The following ANKRD28 variants were observed in gnomAD, a reference collection of about 807,000 sequenced individuals.
The protein encoded by ANKRD28 is ankyrin repeat domain 28.
A neutral mutation model predicts 126.5 loss-of-function variants in ANKRD28; 44 were observed. The observed-to-expected ratio is 0.35, with a 90% CI of 0.27 to 0.45. The LOEUF (loss-of-function observed/expected upper bound fraction) is 0.45, where lower values mean the gene tolerates loss of function less well. ANKRD28 is among the 20% of genes least tolerant of loss of function. ANKRD28 has a pLI of 1.00. For synonymous variants in ANKRD28, 442 were observed against 468.5 expected (o/e 0.94, Z 0.73); for missense variants, 1,110 against 1,316.6 (o/e 0.84, Z 2.43).
chr3:15,840,475 T>C (rs1319762337), intron 1 of ANKRD28, among the ~76,000 whole-genome samples: 3 of 152,080 alleles, frequency 2.0e-5, no homozygotes, highest in African/African-American at 7.2e-5. Context: ...CAGCAATCTA[T>C]AGATTTAATG....
At chr3:15,789,669 T>C (rs572956712) in intron 2 of ANKRD28, among the ~76,000 whole-genome samples, 7 of 152,178 alleles carry the variant, frequency 4.6e-5, no homozygotes, top group South Asian at 4.1e-4. Context: ...TTTATTCAGG[T>C]AGTCAATTAT....
intron 10 of ANKRD28, 24 bp downstream of exon 10, chr3:15,713,503 A>G: frequency 6.3e-7 from 1 of 1,585,320 alleles, no homozygotes; most frequent in Non-Finnish European, 8.6e-7. Flanking sequence ...TGTATCAGTT[A>G]TCAACACCTC....
intron 14 of ANKRD28, among the ~76,000 whole-genome samples, chr3:15,701,547 G>A (rs972796911): frequency 3.9e-5 from 6 of 152,054 alleles, no homozygotes; most frequent in African/African-American, 1.5e-4. Context: ...GGGAGGCTGA[G>A]GCAGGAGAAT....
chr3:15,745,509 C>G (rs2057416472), intron 4 of ANKRD28, among the ~76,000 whole-genome samples: 1 of 152,170 alleles, frequency 6.6e-6, no homozygotes, highest in African/African-American at 2.4e-5. Context: ...TGTCAAAGAT[C>G]AGTTGGCTGT....
chr3:15,713,820 A>C (rs1046643311), intron 9 of ANKRD28, among the ~76,000 whole-genome samples, 179 bp from the exon 10 acceptor site: 2 of 152,242 alleles, frequency 1.3e-5, no homozygotes, highest in Non-Finnish European at 2.9e-5. Context: ...TTTTATACTT[A>C]AAGCAATTGT....
intron 17 of ANKRD28, among the ~76,000 whole-genome samples, chr3:15,691,341 T>C (rs1484679502): frequency 6.6e-6 from 1 of 152,084 alleles, no homozygotes; most frequent in Non-Finnish European, 1.5e-5. Context: ...GCCAGGATGG[T>C]CTCGATCTCT....
At chr3:15,680,965 C>T (rs754702658) in intron 21 of ANKRD28, among the ~76,000 whole-genome samples, 2 of 152,176 alleles carry the variant, frequency 1.3e-5, no homozygotes, top group Non-Finnish European at 2.9e-5. Flanking sequence ...CCACGGCCAA[C>T]ATTTTGTTTT....
At position 15,796,621 on chromosome 3, in the gene ANKRD28, A is replaced by T; in HGVS notation, c.-100T>A. Reference sequence around the variant, plus strand: ...CCTCTTCTGTACAACACTTACAAACATTCTCTGAACAGCACAGCTGGGTTT... The same window carrying T: ...CCTCTTCTGTACAACACTTACAAACTTTCTCTGAACAGCACAGCTGGGTTT... On this transcript the variant is annotated 5_prime_UTR_variant, in exon 1 of 28. The change abolishes an upstream ATG in the 5' untranslated region. Coordinates refer to ENST00000683139, the MANE Select transcript of ANKRD28 (RefSeq NM_001349278.2). 2.0e-5 allele frequency: 22 copies of T among 1,092,280 alleles called. 1 individual carries two copies. The highest frequency in any genetic ancestry group is 2.5e-5 in the Non-Finnish European group (22 of 886,322). The allele number at this position is 1,092,280 out of a possible 1,614,324, so 67.7% of individuals were successfully genotyped here. A position where few individuals can be genotyped will look rare whatever the true frequency, so the allele number is the denominator to read the frequency against.
At chr3:15,698,408 A>T (rs977913391) in intron 14 of ANKRD28, among the ~76,000 whole-genome samples, 1 of 152,180 alleles carries the variant, frequency 6.6e-6, no homozygotes, top group East Asian at 1.9e-4. Context: ...GGCAAGAGAA[A>T]GAAATAAAGG....
intron 1 of ANKRD28, among the ~76,000 whole-genome samples, chr3:15,840,197 T>C (rs1164544531): frequency 6.6e-6 from 1 of 152,210 alleles, no homozygotes; most frequent in Non-Finnish European, 1.5e-5. Flanking sequence ...TTCAGTAAAG[T>C]TGCAAGATAC....
intron 7 of ANKRD28, 102 bp downstream of exon 7, chr3:15,724,280 A>G (rs2074000006): frequency 9.9e-7 from 1 of 1,011,536 alleles, no homozygotes; most frequent in South Asian, 2.0e-5. Flanking sequence ...ACATGAAAAC[A>G]TTGTATAAAA....
chr3:15,747,221 C>A (rs1000747159), intron 4 of ANKRD28, among the ~76,000 whole-genome samples: 2 of 138,456 alleles, frequency 1.4e-5, no homozygotes, highest in African/African-American at 5.4e-5. Flanking sequence ...TTCATTATTT[C>A]TTTTCTTCTG....
At chr3:15,828,810 A>G (rs2061126990) in intron 1 of ANKRD28, among the ~76,000 whole-genome samples, 1 of 152,192 alleles carries the variant, frequency 6.6e-6, no homozygotes, top group Admixed American at 6.5e-5. Context: ...GCACAAACCA[A>G]ACTTACCCTT....
At chr3:15,679,222 A>G (rs1575107364) in intron 23 of ANKRD28, 79 bp downstream of exon 23, 2 of 1,367,202 alleles carry the variant, frequency 1.5e-6, no homozygotes, top group East Asian at 4.6e-5. Context: ...CTCCCACTTC[A>G]GCCTCCCAGA....
intron 1 of ANKRD28, among the ~76,000 whole-genome samples, chr3:15,827,963 T>C (rs1156781639): frequency 6.6e-6 from 1 of 152,036 alleles, no homozygotes; most frequent in Non-Finnish European, 1.5e-5. Context: ...ATCAACAACA[T>C]GAAAAGATGT....
rs1005628785 is a variant in ANKRD28 at position 15,815,310 on chromosome 3, TTTTG to T, written c.28-20008_28-20005del. 6.6e-6 allele frequency among the ~76,000 whole-genome samples: 1 copy of T among 152,156 alleles called. No homozygotes were observed. The highest frequency in any genetic ancestry group is 2.4e-5 in the African/African-American group (1 of 41,444). ...AAAAGTGTGGGGCCAACCACATTTC[TTTTG>T]TTTTTCTTTTATGACAAAATTTTGC... On this transcript the variant is annotated intron_variant, in intron 1 of 27. Coordinates refer to the ANKRD28 transcript ENST00000399451. This position sits in a 1 kb window ranked among gnomAD's most constrained non-coding sequence, Gnocchi z 4.1.
At chr3:15,722,861 TACTCTAAA>T (rs1048547136) in intron 7 of ANKRD28, among the ~76,000 whole-genome samples, 2 of 152,028 alleles carry the variant, frequency 1.3e-5, no homozygotes, top group Non-Finnish European at 2.9e-5. Context: ...AGAACTTCCA[TACTCTAAA>T]ACTCTGGGAA....
chr3:15,690,778 G>C (rs556076817), intron 17 of ANKRD28, among the ~76,000 whole-genome samples: 1 of 151,954 alleles, frequency 6.6e-6, no homozygotes, highest in East Asian at 1.9e-4. Context: ...TATGCTATCC[G>C]GGCTGGTCTC....
chr3:15,766,266 T>C lies in ANKRD28; in HGVS notation c.248A>G (p.Asp83Gly), dbSNP rs1035573788. ...AATAAGAAGTTCAATGATTTCTGCA[T>C]CTCCAAGGTAAGCTGCGGCGTGCAA... ...TPLHAAAYLG[D>G]AEIIELLILS... The change falls in exon 3 of 28, where the codon GAT becomes GGT. Residue 83 changes from aspartate to glycine, a missense_variant. Asp to Gly is a moderately conservative substitution (Grantham distance 94, BLOSUM62 -1). Transcript: ENST00000683139. 14 of 1,611,484 alleles carry C rather than the reference T, an allele frequency of 8.7e-6. No homozygotes were observed. The Middle Eastern group carries it at 4.9e-4, about 57-fold the overall frequency.
Sources: gnomAD v4.1 joint callset for allele counts (sites outside exome capture counted in the v4.1 genomes callset) on GRCh38, gnomAD v4.1.1 for gene constraint, Gnocchi (gnomAD v3.1) non-coding constraint, MANE v1.5 for transcripts, NCBI Gene and HGNC (gene_info 2026-07-23, HGNC 2026-07-21) for gene names.